Variants in BRF1 observed in about 807,000 individuals in gnomAD.
BRF1 encodes BRF1 general transcription factor IIIB subunit.
In BRF1, 59 loss-of-function variants were observed where a neutral mutation model predicts 81.7. The observed-to-expected ratio is 0.72, with a 90% CI of 0.59 to 0.90. The LOEUF (loss-of-function observed/expected upper bound fraction) is 0.90. Among genes scored for constraint, BRF1 ranks in the 40% least tolerant of loss-of-function variants. The pLI, the probability that BRF1 is intolerant of heterozygous loss-of-function variation, is 0.00. For synonymous variants in BRF1, 491 were observed against 395.6 expected (o/e 1.24, Z -2.86); for missense variants, 1,050 against 936.3 (o/e 1.12, Z -1.58).
intron 5 of BRF1, 119 bp from the exon 6 acceptor site, chr14:105,241,533 C>A: frequency 1.5e-6 from 2 of 1,307,414 alleles, no homozygotes; most frequent in Non-Finnish European, 2.1e-6. Context: ...CCAGGCCCCC[C>A]ACCAGTTCCC....
chr14:105,250,140 A>T lies in BRF1; in HGVS notation c.544+2367T>A, dbSNP rs149304496. ...GACATCCTGACTCTGGAGGAGACCC[A>T]CAGCATCTTCCTGTGGTACACGGCC... On this transcript the variant is annotated intron_variant, in intron 5 of 17. Transcript: ENST00000547530. 934 of 1,612,858 alleles carry T rather than the reference A, an allele frequency of 5.8e-4. 11 individuals are homozygous for T. Among genetic ancestry groups the T allele is most frequent in the Admixed American group, 1.5e-4 (9 of 60,006 alleles).
chr14:105,226,773 C>G lies in BRF1; in HGVS notation c.789-13G>C. On this transcript the variant is annotated splice_polypyrimidine_tract_variant and intron_variant, in intron 7 of 17. Transcript: ENST00000547530. ...AAATTCCGTGAGCCTAAAATGGAGC[C>G]AGACATGGGAAATGGAGCTGGTGGC... 4.3e-6 allele frequency: 7 copies of G among 1,613,280 alleles called. No homozygotes were observed. The highest frequency in any genetic ancestry group is 5.9e-6 in the Non-Finnish European group (7 of 1,179,976).
chr14:105,211,039 G>C, intron 17 of BRF1, 83 bp downstream of exon 17: 1 of 1,538,948 alleles, frequency 6.5e-7, no homozygotes, highest in South Asian at 1.2e-5. Context: ...GAAGCTAACA[G>C]GCCCAAGTTC....
chr14:105,221,895 C>G lies in BRF1; in HGVS notation c.1068G>C (p.Ala356=), dbSNP rs770509208. 6.3e-7 allele frequency: 1 copy of G among 1,597,430 alleles called. No individual in the cohort carries two copies. Among genetic ancestry groups the G allele is most frequent in the Admixed American group, 1.7e-5 (1 of 58,020 alleles). The change falls in exon 11 of 18, where the codon GCG becomes GCC. Residue 356 remains alanine, a synonymous_variant. Transcript: ENST00000547530. ...TGTCCTCCTCGCCACACAAGCTGGACGCGGTGTCCTCGGTGGAGCCTAGGT... is the reference window on the plus strand; with the variant it reads ...TGTCCTCCTCGCCACACAAGCTGGAGGCGGTGTCCTCGGTGGAGCCTAGGT... ...LAKDGSTEDT[A]SSLCGEEDTE...
Position 105,300,491 on chromosome 14 carries a change from T to C in BRF1, c.139A>G (p.Ser47Gly), listed in dbSNP as rs1426430844. ...CCCACGGCCGAGGAGCCGCCGCCGC[T>C]GCTCTCCACGAACTGCACCTCGGAC... ...IVSEVQFVES[S>G]GGGSSAVGQF... is the part of the protein sequence containing the mutation. The change falls in exon 1 of 18, where the codon AGC becomes GGC. Residue 47 changes from serine (S) to glycine (G), a missense_variant. Transcript: ENST00000547530. The C allele has an allele frequency of 1.3e-6, 2 of 1,536,298 alleles. No individual in the cohort carries two copies. The highest frequency in any genetic ancestry group is 2.0e-4 in the Middle Eastern group (1 of 5,082).
chr14:105,244,477 T>C (rs980453693), intron 5 of BRF1, among the ~76,000 whole-genome samples: 1 of 151,710 alleles, frequency 6.6e-6, no homozygotes, highest in Admixed American at 6.6e-5. Context: ...AAAGTGTTTT[T>C]TTCAAGACAA....
chr14:105,291,325 A>T (rs927565913), intron 1 of BRF1, among the ~76,000 whole-genome samples: 2 of 152,242 alleles, frequency 1.3e-5, no homozygotes. Flanking sequence ...TGTCCATTTC[A>T]CACCAGGATT....
intron 3 of BRF1, among the ~76,000 whole-genome samples, chr14:105,270,411 G>A (rs919160240): frequency 4.6e-5 from 7 of 151,870 alleles, no homozygotes; most frequent in South Asian, 2.1e-4. Context: ...TCCTGACCTC[G>A]TGATCCGCCC....
chr14:105,249,812 G>C, intron 5 of BRF1: 1 of 1,613,734 alleles, frequency 6.2e-7, no homozygotes, highest in Middle Eastern at 1.6e-4. Flanking sequence ...GCTGTTTGAG[G>C]AGCCCGAGCT....
intron 7 of BRF1, chr14:105,227,001 C>A (rs1376959522): frequency 4.2e-6 from 2 of 480,490 alleles, no homozygotes; most frequent in Non-Finnish European, 7.2e-6. Flanking sequence ...GTAGTTTCTG[C>A]TACTTGGGAG....
At chr14:105,250,704 G>A (rs1377173201) in intron 5 of BRF1, 1 of 1,579,962 alleles carries the variant, frequency 6.3e-7, no homozygotes, top group East Asian at 2.3e-5. Flanking sequence ...AGGTCAGCGA[G>A]TGAGTGGAGG....
chr14:105,312,596 G>C (rs895514006), intron 1 of BRF1, among the ~76,000 whole-genome samples: 1 of 152,200 alleles, frequency 6.6e-6, no homozygotes, highest in African/African-American at 2.4e-5. Context: ...GCATGGGGAG[G>C]GATGCCTCCC....
intron 1 of BRF1, among the ~76,000 whole-genome samples, chr14:105,307,497 C>G (rs367552236): frequency 6.7e-4 from 102 of 152,332 alleles, no homozygotes; most frequent in African/African-American, 2.4e-3. Context: ...CCACGTGCCC[C>G]TCCTCCTGGG....
intron 2 of BRF1, among the ~76,000 whole-genome samples, chr14:105,281,054 C>T (rs1462713345): frequency 4.4e-4 from 48 of 107,996 alleles, no homozygotes; most frequent in South Asian, 6.8e-4. Flanking sequence ...GCCTGCGTGA[C>T]CCTGAGCCCA....
At chr14:105,306,539 G>A (rs896729937) in intron 1 of BRF1, among the ~76,000 whole-genome samples, 4 of 151,866 alleles carry the variant, frequency 2.6e-5, no homozygotes, top group East Asian at 1.9e-4. Flanking sequence ...TCCTGACCTC[G>A]TGATCTGCCC....
chr14:105,304,999 G>A (rs1046930311), upstream of BRF1, among the ~76,000 whole-genome samples: 5 of 152,230 alleles, frequency 3.3e-5, no homozygotes, highest in Non-Finnish European at 5.9e-5. Context: ...TTCCCCCAAA[G>A]TCCATATGTT....
At chr14:105,296,102 A>C (rs1241542020) in intron 1 of BRF1, among the ~76,000 whole-genome samples, 4 of 143,512 alleles carry the variant, frequency 2.8e-5, no homozygotes, top group South Asian at 2.2e-4. Flanking sequence ...AAAAAAAAAA[A>C]CTCAAGGAGT....
intron 15 of BRF1, among the ~76,000 whole-genome samples, chr14:105,215,890 GAC>G (rs1276139985): frequency 1.8e-5 from 2 of 108,612 alleles, no homozygotes; most frequent in Non-Finnish European, 3.7e-5. Flanking sequence ...CAGGCATACA[GAC>G]ACAGGCACAC....
At position 105,210,709 on chromosome 14, in the gene BRF1, C is replaced by CCCCCGCG; in HGVS notation, c.1997-128_1997-122dup. ...CTCAGGCTCCAGCCCCAGCCCCAGC[C>CCCCCGCG]CCCCGCGCCCCGCCAGGAGCCATCT... On this transcript the variant is annotated intron_variant, in intron 17 of 17. Transcript: ENST00000547530. This position sits in a 1 kb window ranked among gnomAD's most constrained non-coding sequence, Gnocchi z 4.7. 8.7e-7 allele frequency: 1 copy of CCCCCGCG among 1,144,744 alleles called. No individual in the cohort carries two copies. Among genetic ancestry groups the CCCCCGCG allele is most frequent in the Non-Finnish European group, 1.2e-6 (1 of 806,526 alleles). The allele number at this position is 1,144,744 out of a possible 1,614,324, so 70.9% of individuals were successfully genotyped here.
Sources: allele counts gnomAD v4.1 joint callset (sites outside exome capture counted in the v4.1 genomes callset), GRCh38; gene constraint gnomAD v4.1.1; non-coding constraint Gnocchi (gnomAD v3.1); transcripts MANE v1.5; gene names NCBI Gene and HGNC (gene_info 2026-07-23, HGNC 2026-07-21).